Variants in CRPPA observed in about 807,000 individuals in gnomAD.
The protein encoded by CRPPA is CDP-L-ribitol pyrophosphorylase A, also known as D-ribitol-5-phosphate cytidylyltransferase.
CRPPA carries 43 observed loss-of-function variants against 52.0 expected under a neutral mutation model. The observed-to-expected ratio is 0.83, with a 90% CI of 0.65 to 1.07. The LOEUF is 1.07. Among genes scored for constraint, CRPPA ranks in the 50% least tolerant of loss-of-function variants. CRPPA has a pLI of 0.00. For synonymous variants in CRPPA, 250 were observed against 203.5 expected (o/e 1.23, Z -1.94); for missense variants, 629 against 551.7 (o/e 1.14, Z -1.40).
chr7:16,364,849 AC>A (rs1786551183), intron 3 of CRPPA, among the ~76,000 whole-genome samples: 1 of 152,180 alleles, frequency 6.6e-6, no homozygotes, highest in South Asian at 2.1e-4. Context: ...TTGAACAACA[AC>A]CTGTTGTTGA....
At chr7:16,198,539 C>T (rs1194787502) in intron 9 of CRPPA, among the ~76,000 whole-genome samples, 1 of 122,118 alleles carries the variant, frequency 8.2e-6, no homozygotes, top group Non-Finnish European at 1.6e-5. Flanking sequence ...AACTCAGAGG[C>T]TGGCGGGATC....
intron 2 of CRPPA, among the ~76,000 whole-genome samples, chr7:16,378,786 T>C (rs1786984755): frequency 6.6e-6 from 1 of 152,126 alleles, no homozygotes; most frequent in African/African-American, 2.4e-5. Context: ...TTTCCTGACT[T>C]TTTAATGATT....
chr7:16,403,784 C>G (rs1041136623), intron 2 of CRPPA, among the ~76,000 whole-genome samples: 1 of 152,182 alleles, frequency 6.6e-6, no homozygotes, highest in African/African-American at 2.4e-5. Context: ...AAAAAGGTTA[C>G]AGGATGTCTG....
chr7:16,195,280 C>T (rs1451524535), intron 9 of CRPPA, among the ~76,000 whole-genome samples: 1 of 152,100 alleles, frequency 6.6e-6, no homozygotes, highest in Non-Finnish European at 1.5e-5. Flanking sequence ...AAGAACTATT[C>T]CTCCTAAAAC....
intron 9 of CRPPA, among the ~76,000 whole-genome samples, chr7:16,173,511 T>A (rs952341905): frequency 2.0e-5 from 3 of 152,172 alleles, no homozygotes; most frequent in Non-Finnish European, 2.9e-5. Context: ...TTGTTACTCT[T>A]TGCAACCTAC....
At chr7:16,347,520 G>GA (rs1314055993) in intron 3 of CRPPA, among the ~76,000 whole-genome samples, 1 of 152,058 alleles carries the variant, frequency 6.6e-6, no homozygotes, top group African/African-American at 2.4e-5. Context: ...TTATCGTTCA[G>GA]AAAATATAGT....
intron 9 of CRPPA, among the ~76,000 whole-genome samples, chr7:16,160,943 T>C (rs1783290296): frequency 6.6e-6 from 1 of 152,200 alleles, no homozygotes; most frequent in South Asian, 2.1e-4. Context: ...GGGAGTTTGC[T>C]CATGTTTTGG....
At chr7:16,315,141 G>A (rs1019555037) in intron 3 of CRPPA, among the ~76,000 whole-genome samples, 2 of 152,040 alleles carry the variant, frequency 1.3e-5, no homozygotes, top group African/African-American at 4.8e-5. Flanking sequence ...CCTCATTCAT[G>A]TCTAGTCTAC....
chr7:16,146,559 A>G (rs762253430), intron 9 of CRPPA, among the ~76,000 whole-genome samples: 6 of 152,198 alleles, frequency 3.9e-5, no homozygotes, highest in Non-Finnish European at 8.8e-5. Context: ...AAAATTAACT[A>G]TAGCTATAAT....
intron 8 of CRPPA, among the ~76,000 whole-genome samples, chr7:16,235,657 C>G (rs1178333159): frequency 6.6e-6 from 1 of 152,004 alleles, no homozygotes; most frequent in Non-Finnish European, 1.5e-5. Flanking sequence ...AAAAAATTGC[C>G]TATTCCTAAA....
intron 9 of CRPPA, among the ~76,000 whole-genome samples, chr7:16,162,742 C>T (rs1461190538): frequency 4.6e-5 from 7 of 152,168 alleles, no homozygotes; most frequent in African/African-American, 1.7e-4. Context: ...TGTTAATTTT[C>T]TGTCTCATTG....
intron 1 of CRPPA, among the ~76,000 whole-genome samples, chr7:16,419,189 A>T (rs931784098): frequency 2.6e-5 from 4 of 152,246 alleles, no homozygotes; most frequent in African/African-American, 9.6e-5. Flanking sequence ...AGATTACCTA[A>T]ATCAGTGATT....
chr7:16,406,125 G>A lies in CRPPA; in HGVS notation c.470C>T (p.Ala157Val). The A allele has an allele frequency of 6.2e-7, 1 of 1,613,902 alleles. No individual in the cohort carries two copies. Among genetic ancestry groups the A allele is most frequent in the Non-Finnish European group, 8.5e-7 (1 of 1,179,834 alleles). ...ACCTTCCTCAACAAATGGTCTCACA[G>A]CATCATGGATAATCACTACTTCTGG... ...SKPEVVIIHD[A>V]VRPFVEEGVL... The change falls in exon 2 of 10, where the codon GCT becomes GTT. Residue 157 changes from alanine (A) to valine (V), a missense_variant. Coordinates refer to ENST00000407010, the MANE Select transcript of CRPPA (RefSeq NM_001101426.4).
chr7:16,357,896 G>A (rs1246988800), intron 3 of CRPPA, among the ~76,000 whole-genome samples: 3 of 152,276 alleles, frequency 2.0e-5, no homozygotes, highest in South Asian at 2.1e-4. Flanking sequence ...GAGTTGGTGC[G>A]TGGTCAGCAG....
chr7:16,178,047 T>C (rs1238563640), intron 9 of CRPPA, among the ~76,000 whole-genome samples: 1 of 144,982 alleles, frequency 6.9e-6, no homozygotes, highest in Non-Finnish European at 1.5e-5. Context: ...TCTTGGCTGT[T>C]GTCTAAAAGA....
chr7:16,169,198 T>G (rs978511226), intron 9 of CRPPA, among the ~76,000 whole-genome samples: 1 of 152,166 alleles, frequency 6.6e-6, no homozygotes, highest in African/African-American at 2.4e-5. Context: ...AGCTTACATC[T>G]TCCTTAACCT....
At chr7:16,252,403 CAAA>C (rs1783484068) in intron 8 of CRPPA, among the ~76,000 whole-genome samples, 2 of 152,116 alleles carry the variant, frequency 1.3e-5, no homozygotes, top group African/African-American at 2.4e-5. Context: ...GAACGTATCT[CAAA>C]ATAATAAGAG....
intron 3 of CRPPA, among the ~76,000 whole-genome samples, chr7:16,353,981 T>C (rs182381525): frequency 6.6e-6 from 1 of 152,264 alleles, no homozygotes; most frequent in African/African-American, 2.4e-5. Context: ...GTACCACATA[T>C]ATATATACAA....
chr7:16,210,315 T>G (rs1372807041), intron 9 of CRPPA, among the ~76,000 whole-genome samples: 1 of 152,184 alleles, frequency 6.6e-6, no homozygotes, highest in Admixed American at 6.5e-5. Context: ...GTAGGCAGCA[T>G]TTGATATGGT....
Sources: allele counts gnomAD v4.1 joint callset (sites outside exome capture counted in the v4.1 genomes callset), GRCh38; gene constraint gnomAD v4.1.1; transcripts MANE v1.5; gene names NCBI Gene and HGNC (gene_info 2026-07-23, HGNC 2026-07-21).